The following RBFOX1 variants were observed in gnomAD, a reference collection of about 807,000 sequenced individuals.
RBFOX1 encodes RNA binding protein fox-1 homolog 1.
Under a neutral mutation model 57.7 loss-of-function variants are expected in RBFOX1, and 8 were observed. The ratio of observed to expected loss-of-function variants is 0.14; its 90% CI spans 0.08 to 0.25. The LOEUF is 0.25. Among genes scored for constraint, RBFOX1 ranks in the 10% least tolerant of loss-of-function variants. RBFOX1 has a pLI of 1.00. For missense variants in RBFOX1, 611 were observed against 548.5 expected, an observed-to-expected ratio of 1.11 and a Z score of -1.14; for synonymous variants, 326 against 222.4, an observed-to-expected ratio of 1.47 and a Z score of -4.15.
intron 1 of RBFOX1, among the ~76,000 whole-genome samples, chr16:6,080,861 G>C (rs925116267): frequency 2.0e-5 from 3 of 152,148 alleles, no homozygotes; most frequent in Non-Finnish European, 2.9e-5. Context: ...AAAGCTGCTT[G>C]TTTTCCTGTT....
At chr16:6,858,458 C>T (rs2058312262) in intron 3 of RBFOX1, among the ~76,000 whole-genome samples, 1 of 152,102 alleles carries the variant, frequency 6.6e-6, no homozygotes. Context: ...ATGGGAAGGA[C>T]TTAGGCATAG....
chr16:6,639,149 A>C (rs766268342), intron 2 of RBFOX1, among the ~76,000 whole-genome samples: 17 of 152,178 alleles, frequency 1.1e-4, no homozygotes, highest in Non-Finnish European at 2.5e-4. Flanking sequence ...AAGAATGATA[A>C]ATTTTTTTCA....
chr16:7,380,161 T>C (rs1369032328), intron 4 of RBFOX1, among the ~76,000 whole-genome samples: 1 of 152,210 alleles, frequency 6.6e-6, no homozygotes, highest in Non-Finnish European at 1.5e-5. Flanking sequence ...GGCCAGTATT[T>C]ATGTTTTGCT....
At chr16:7,084,666 G>T (rs1473144393) in intron 4 of RBFOX1, among the ~76,000 whole-genome samples, 1 of 152,176 alleles carries the variant, frequency 6.6e-6, no homozygotes, top group Non-Finnish European at 1.5e-5. Flanking sequence ...AGGCTGATTG[G>T]TCTCCTGTGC....
intron 2 of RBFOX1, among the ~76,000 whole-genome samples, chr16:5,546,329 A>G (rs560333449): frequency 6.6e-6 from 1 of 152,172 alleles, no homozygotes; most frequent in Non-Finnish European, 1.5e-5. Context: ...CTGATTTTGA[A>G]ATTTATACAG....
At chr16:6,210,909 A>G (rs2097292447) in intron 1 of RBFOX1, among the ~76,000 whole-genome samples, 1 of 152,134 alleles carries the variant, frequency 6.6e-6, no homozygotes, top group South Asian at 2.1e-4. Flanking sequence ...TCTTAGGAAA[A>G]CACAAGGTCT....
At chr16:6,931,865 G>A (rs936462546) in intron 3 of RBFOX1, among the ~76,000 whole-genome samples, 1 of 152,150 alleles carries the variant, frequency 6.6e-6, no homozygotes, top group Non-Finnish European at 1.5e-5. Flanking sequence ...TATCTGACGA[G>A]GGCGTGGTAT....
intron 4 of RBFOX1, among the ~76,000 whole-genome samples, chr16:7,352,368 C>T (rs542025902): frequency 6.6e-6 from 1 of 152,170 alleles, no homozygotes; most frequent in Non-Finnish European, 1.5e-5. Context: ...GCTATATATC[C>T]TGTTCTCAGA....
intron 12 of RBFOX1, among the ~76,000 whole-genome samples, chr16:7,663,384 C>G (rs990197628): frequency 3.3e-5 from 5 of 152,134 alleles, no homozygotes; most frequent in Non-Finnish European, 7.3e-5. Flanking sequence ...AAATCCCTGC[C>G]ACATTTTTAA....
At chr16:7,661,706 C>T (rs1264239927) in intron 12 of RBFOX1, among the ~76,000 whole-genome samples, 1 of 152,190 alleles carries the variant, frequency 6.6e-6, no homozygotes, top group Non-Finnish European at 1.5e-5. Flanking sequence ...CATGCCTTCG[C>T]ATAGTAGTTG....
intron 1 of RBFOX1, among the ~76,000 whole-genome samples, chr16:5,295,036 A>AC (rs2063631555): frequency 9.9e-6 from 1 of 101,456 alleles, no homozygotes; most frequent in African/African-American, 2.7e-5. Flanking sequence ...AAAAAAAAAA[A>AC]AAAAAAAAGA....
chr16:5,592,126 G>C (rs573968358), intron 2 of RBFOX1, among the ~76,000 whole-genome samples: 8 of 152,206 alleles, frequency 5.3e-5, no homozygotes, highest in Non-Finnish European at 1.0e-4. Context: ...AGAGGTATTT[G>C]CATGACCATC....
intron 3 of RBFOX1, among the ~76,000 whole-genome samples, chr16:5,686,708 C>T (rs917789932): frequency 1.3e-5 from 2 of 152,140 alleles, no homozygotes; most frequent in African/African-American, 4.8e-5. Context: ...ATGCCTAACT[C>T]TCATAGTGGA....
intron 4 of RBFOX1, among the ~76,000 whole-genome samples, chr16:5,953,105 A>G (rs2059553891): frequency 1.8e-5 from 2 of 110,488 alleles, no homozygotes; most frequent in African/African-American, 7.1e-5. Flanking sequence ...TTCTGTGTCA[A>G]TTGGTTGGGA....
chr16:5,552,530 C>T (rs2045505240), intron 2 of RBFOX1, among the ~76,000 whole-genome samples: 1 of 152,144 alleles, frequency 6.6e-6, no homozygotes, highest in Non-Finnish European at 1.5e-5. Context: ...TAGTCAGGGG[C>T]AGAGAAGTGG....
At chr16:7,309,002 G>A (rs777257377) in intron 4 of RBFOX1, among the ~76,000 whole-genome samples, 7 of 152,264 alleles carry the variant, frequency 4.6e-5, no homozygotes, top group Admixed American at 1.3e-4. Context: ...TATGGATTGG[G>A]GGTGGTCGAT....
chr16:7,676,943 G>A lies in RBFOX1; in HGVS notation c.995+105G>A, dbSNP rs553631673. On this transcript the variant is annotated intron_variant, in intron 14 of 15. Coordinates refer to ENST00000550418, the MANE Select transcript of RBFOX1 (RefSeq NM_018723.4). ...TGGTGAAACTGCATGACTGCTGGGG[G>A]AGGTAGCACCCCAAAAGTTAGGTCC... The A allele has an allele frequency of 1.0e-5, 12 of 1,182,084 alleles. No homozygotes were observed. In the South Asian group the frequency reaches 1.3e-4, roughly 13 times the overall value. 73.2% of individuals were successfully genotyped at this position (1,182,084 alleles called of 1,614,324 possible).
chr16:5,671,549 G>C (rs1393283669), intron 3 of RBFOX1, among the ~76,000 whole-genome samples: 1 of 152,208 alleles, frequency 6.6e-6, no homozygotes, highest in Non-Finnish European at 1.5e-5. Flanking sequence ...TCAGTCATGG[G>C]TGTTATGAAA....
intron 2 of RBFOX1, among the ~76,000 whole-genome samples, chr16:6,350,764 C>G (rs11642666): frequency 0.1 from 15,814 of 152,168 alleles, 1,032 homozygotes; most frequent in South Asian, 0.19. Context: ...GGCATTAATT[C>G]TGTTTTATTA....
Sources: gnomAD v4.1 joint callset for allele counts (sites outside exome capture counted in the v4.1 genomes callset) on GRCh38, gnomAD v4.1.1 for gene constraint, MANE v1.5 for transcripts, NCBI Gene and HGNC (gene_info 2026-07-23, HGNC 2026-07-21) for gene names.